The following DLGAP4 variants were observed in gnomAD, a reference collection of about 807,000 sequenced individuals.
DLGAP4 encodes the protein DLG associated protein 4.
In DLGAP4, 18 loss-of-function variants were observed where a neutral mutation model predicts 86.9. The observed-to-expected ratio is 0.21, with a 90% CI of 0.14 to 0.31. The LOEUF (loss-of-function observed/expected upper bound fraction) is 0.31, where lower values mean the gene tolerates loss of function less well. DLGAP4 is among the 10% of genes least tolerant of loss of function. The pLI is 1.00. For synonymous variants in DLGAP4, 548 were observed against 574.3 expected (o/e 0.95, Z 0.65); for missense variants, 1,085 against 1,362.6 (o/e 0.80, Z 3.21).
chr20:36,485,352 A>C (rs1026892496), intron 7 of DLGAP4, among the ~76,000 whole-genome samples: 12 of 123,336 alleles, frequency 9.7e-5, no homozygotes, highest in East Asian at 2.4e-4. Flanking sequence ...ACCCTGTCCC[A>C]AAAAAAAAAA....
At chr20:36,321,147 G>T (rs2065163729) in intron 1 of DLGAP4, among the ~76,000 whole-genome samples, 1 of 152,184 alleles carries the variant, frequency 6.6e-6, no homozygotes, top group South Asian at 2.1e-4. Flanking sequence ...CTGGGGTGAT[G>T]GTCAGGGAAG....
intron 7 of DLGAP4, among the ~76,000 whole-genome samples, chr20:36,449,139 G>A (rs1467223456): frequency 2.6e-5 from 4 of 152,060 alleles, no homozygotes; most frequent in Non-Finnish European, 4.4e-5. Context: ...GCTCTTTCTC[G>A]CACCCTGCAG....
intron 7 of DLGAP4, among the ~76,000 whole-genome samples, chr20:36,496,397 T>C (rs970957082): frequency 6.6e-6 from 1 of 152,222 alleles, no homozygotes; most frequent in Non-Finnish European, 1.5e-5. Flanking sequence ...CCCCACGCAC[T>C]TCACCTAGTA....
chr20:36,436,257 G>T lies in DLGAP4; in HGVS notation c.1148G>T (p.Gly383Val). ...MGDEDSDESGGSPKPSPKTAA... is the reference protein window; with the variant it reads ...MGDEDSDESGVSPKPSPKTAA... ...GACGAGGACAGCGACGAGTCCGGCG[G>T]CAGCCCCAAGCCCTCACCCAAGACC... Residue 383 changes from glycine to valine, a missense_variant, in exon 4 of 13, where the codon GGC (glycine) becomes GTC (valine). Gly to Val is a moderately radical substitution (Grantham distance 109, BLOSUM62 -3). Transcript: ENST00000339266. The T allele has an allele frequency of 6.2e-7, 1 of 1,605,736 alleles. No homozygotes were observed.
chr20:36,485,523 A>G lies in DLGAP4; in HGVS notation c.1649-11182A>G, dbSNP rs116436557. Among the ~76,000 whole-genome samples the G allele has an allele frequency of 6.2e-3, 943 of 152,284 alleles. 10 individuals are homozygous for G. Among genetic ancestry groups the G allele is most frequent in the African/African-American group, 0.022 (916 of 41,542 alleles). On this transcript the variant is annotated intron_variant, in intron 7 of 12. Transcript: ENST00000339266. Reference sequence around the variant, plus strand: ...TTTGAACTGTGACCCCCGTTCAGGGACAACCCACTTAGTTTACAGCTGTGG... The same window carrying G: ...TTTGAACTGTGACCCCCGTTCAGGGGCAACCCACTTAGTTTACAGCTGTGG...
rs1458620252 is a variant in DLGAP4 at position 36,308,298 on chromosome 20, A to G, written c.-304+1786A>G. On this transcript the variant is annotated intron_variant, in intron 1 of 12. Transcript: ENST00000339266. The surrounding 1 kb of genome is among the most constrained non-coding windows in gnomAD (Gnocchi z 4.5). ...GTGAGGCCTGTGCTGGGCGCTGGGGAGTGCAATGGCTGACAGGGTCCCCAC... is the reference window on the plus strand; with the variant it reads ...GTGAGGCCTGTGCTGGGCGCTGGGGGGTGCAATGGCTGACAGGGTCCCCAC... Among the ~76,000 whole-genome samples the G allele has an allele frequency of 1.3e-5, 2 of 152,050 alleles. No individual in the cohort carries two copies. The highest frequency in any genetic ancestry group is 4.8e-5 in the African/African-American group (2 of 41,368).
chr20:36,488,767 G>A (rs759334842), intron 7 of DLGAP4, among the ~76,000 whole-genome samples: 40 of 152,050 alleles, frequency 2.6e-4, no homozygotes, highest in Non-Finnish European at 4.7e-4. Flanking sequence ...CAGTAGAGAC[G>A]GGGTTTTGCT....
chr20:36,425,608 G>A (rs1215652223), intron 2 of DLGAP4, among the ~76,000 whole-genome samples: 1 of 152,226 alleles, frequency 6.6e-6, no homozygotes, highest in East Asian at 1.9e-4. Context: ...TGGATCACAA[G>A]GTCAGGAGTT....
chr20:36,306,694 G>A lies in DLGAP4; in HGVS notation c.-304+182G>A, dbSNP rs1026172769. 5.3e-5 allele frequency among the ~76,000 whole-genome samples: 8 copies of A among 152,150 alleles called. No individual in the cohort carries two copies. Among genetic ancestry groups the A allele is most frequent in the African/African-American group, 1.9e-4 (8 of 41,444 alleles). ...TCTGTCTTCCGATCCCGGGTCCGAG[G>A]GGCCGGCTGTGCGGCTGGGAAGCGC... On this transcript the variant is annotated intron_variant, in intron 1 of 12. Coordinates refer to ENST00000339266, the MANE Select transcript of DLGAP4 (RefSeq NM_001365621.2). This position sits in a 1 kb window ranked among gnomAD's most constrained non-coding sequence, Gnocchi z 4.9.
At chr20:36,450,667 T>G (rs2033713500) in intron 7 of DLGAP4, among the ~76,000 whole-genome samples, 1 of 152,188 alleles carries the variant, frequency 6.6e-6, no homozygotes. Flanking sequence ...GGTCTGGATG[T>G]GGCTTCTGTC....
At chr20:36,461,300 G>T (rs1175638950) in intron 7 of DLGAP4, 4 of 219,148 alleles carry the variant, frequency 1.8e-5, no homozygotes, top group Non-Finnish European at 2.9e-5. Context: ...GCGGCGGCCC[G>T]CGCGCCTGCC....
intron 3 of DLGAP4, among the ~76,000 whole-genome samples, chr20:36,434,418 G>C (rs1312536227): frequency 6.6e-6 from 1 of 152,174 alleles, no homozygotes; most frequent in Non-Finnish European, 1.5e-5. Context: ...CTGCTTCCTT[G>C]GTTTAGAAGC....
chr20:36,393,099 G>GC lies in DLGAP4; in HGVS notation c.-73+25826dup, dbSNP rs2031837835. On this transcript the variant is annotated intron_variant, in intron 2 of 12. Coordinates refer to ENST00000339266, the MANE Select transcript of DLGAP4 (RefSeq NM_001365621.2). The surrounding 1 kb of genome is among the most constrained non-coding windows in gnomAD (Gnocchi z 4.4). ...GGAATGTTCAGGAAGGAATCATGTG[G>GC]CCTTCATGAGGGGTTTGGTTTTGGT... Among the ~76,000 whole-genome samples the GC allele has an allele frequency of 6.6e-6, 1 of 152,132 alleles. No homozygotes were observed. Among genetic ancestry groups the GC allele is most frequent in the Admixed American group, 6.5e-5 (1 of 15,286 alleles).
At chr20:36,397,114 C>T (rs2032023001) in intron 2 of DLGAP4, among the ~76,000 whole-genome samples, 1 of 152,140 alleles carries the variant, frequency 6.6e-6, no homozygotes, top group East Asian at 1.9e-4. Flanking sequence ...AGGGGAAGGG[C>T]GGGTTCCCTT....
At chr20:36,462,403 T>TG (rs1186150101) in intron 7 of DLGAP4, 2 of 1,456,910 alleles carry the variant, frequency 1.4e-6, no homozygotes, top group Admixed American at 6.5e-5. Flanking sequence ...CTGTGCCTCT[T>TG]GCGCTGAAGG....
intron 2 of DLGAP4, among the ~76,000 whole-genome samples, chr20:36,399,003 G>A (rs6031541): frequency 1.4e-4 from 21 of 152,238 alleles, no homozygotes; most frequent in African/African-American, 4.3e-4. Flanking sequence ...GACCAGTCTG[G>A]GCAACAAGGC....
chr20:36,379,365 C>G (rs2147440374), intron 2 of DLGAP4, among the ~76,000 whole-genome samples: 1 of 152,296 alleles, frequency 6.6e-6, no homozygotes, highest in South Asian at 2.1e-4. Flanking sequence ...GACCTGTCTG[C>G]AGAGATGCCT....
At chr20:36,342,043 C>T (rs1242595106) in intron 1 of DLGAP4, among the ~76,000 whole-genome samples, 7 of 152,204 alleles carry the variant, frequency 4.6e-5, no homozygotes, top group African/African-American at 1.7e-4. Flanking sequence ...TTCCCAGGAA[C>T]CCCTGGTGGC....
intron 5 of DLGAP4, among the ~76,000 whole-genome samples, chr20:36,442,352 GC>G (rs1189776779): frequency 2.6e-5 from 4 of 152,164 alleles, no homozygotes; most frequent in African/African-American, 4.8e-5. Flanking sequence ...GTGCCACCAT[GC>G]CCGGCTAATT....
Sources: allele counts gnomAD v4.1 joint callset (sites outside exome capture counted in the v4.1 genomes callset), GRCh38; gene constraint gnomAD v4.1.1; non-coding constraint Gnocchi (gnomAD v3.1); transcripts MANE v1.5; gene names NCBI Gene and HGNC (gene_info 2026-07-23, HGNC 2026-07-21).